KCNH7: variants seen among roughly 807,000 people sequenced by gnomAD.
KCNH7 encodes the protein voltage-gated inwardly rectifying potassium channel KCNH7.
KCNH7 carries 49 observed loss-of-function variants against 120.8 expected under a neutral mutation model. The ratio of observed to expected loss-of-function variants is 0.41; its 90% confidence interval spans 0.32 to 0.51. The LOEUF (loss-of-function observed/expected upper bound fraction) is 0.51. KCNH7 is among the 20% of genes least tolerant of loss of function. The probability of loss-of-function intolerance (pLI) is 0.38; values close to 1 mark genes in which losing one functional copy is unlikely to be tolerated. For missense variants in KCNH7, 1,097 were observed against 1,446.6 expected (o/e 0.76, Z 3.92); for synonymous variants, 547 against 516.1 (o/e 1.06, Z -0.81).
chr2:162,571,283 C>T (rs567006337), intron 2 of KCNH7, among the ~76,000 whole-genome samples: 1 of 152,236 alleles, frequency 6.6e-6, no homozygotes, highest in East Asian at 1.9e-4. Flanking sequence ...CATGAGTGGA[C>T]TCCCATTCAC....
At chr2:162,479,658 TGTGTGTGTGTGTGC>T (rs2105675881) in intron 6 of KCNH7, among the ~76,000 whole-genome samples, 1 of 116,716 alleles carries the variant, frequency 8.6e-6, no homozygotes, top group African/African-American at 4.4e-5. Flanking sequence ...ATTAGGAAAT[TGTGTGTGTGTGTGC>T]ATGTGTGTGT....
chr2:162,484,605 A>C (rs1041788516), intron 6 of KCNH7, among the ~76,000 whole-genome samples: 3 of 152,182 alleles, frequency 2.0e-5, no homozygotes, highest in African/African-American at 7.2e-5. Context: ...ATTACACTGT[A>C]CTACAGTTTG....
At chr2:162,439,345 G>T (rs1356458709) in intron 7 of KCNH7, among the ~76,000 whole-genome samples, 1 of 151,988 alleles carries the variant, frequency 6.6e-6, no homozygotes, top group Non-Finnish European at 1.5e-5. Context: ...TGTGGTTATT[G>T]TTATAAAATA....
chr2:162,514,191 C>A (rs79807632), intron 4 of KCNH7, among the ~76,000 whole-genome samples: 10 of 151,788 alleles, frequency 6.6e-5, no homozygotes, highest in South Asian at 2.1e-4. Context: ...TTGAATTGCT[C>A]GTAGACATTG....
At chr2:162,828,808 G>A (rs1201995413) in intron 2 of KCNH7, among the ~76,000 whole-genome samples, 1 of 152,070 alleles carries the variant, frequency 6.6e-6, no homozygotes, top group African/African-American at 2.4e-5. Flanking sequence ...TGTACCCACA[G>A]TCCTCTCTCA....
chr2:162,483,366 G>A (rs1689990395), intron 6 of KCNH7, among the ~76,000 whole-genome samples: 1 of 152,004 alleles, frequency 6.6e-6, no homozygotes, highest in East Asian at 1.9e-4. Context: ...TCCATCCACG[G>A]GACATGTATT....
chr2:162,634,698 T>C lies in KCNH7; in HGVS notation c.308-97618A>G, dbSNP rs886176981. Among the ~76,000 whole-genome samples the C allele has an allele frequency of 5.3e-5, 8 of 151,968 alleles. No individual in the cohort carries two copies. The East Asian group carries it at 1.4e-3, about 26-fold the overall frequency. ...GTCTGTGTGCTTAGTATTCTTCCAT[T>C]ATGCTTGGCTATAGACAGAGTCAAA... is the stretch of plus-strand genomic sequence containing the variant. On this transcript the variant is annotated intron_variant, in intron 2 of 15. Transcript: ENST00000332142.
intron 2 of KCNH7, among the ~76,000 whole-genome samples, chr2:162,715,247 G>GAATAGGCATTTCACATGGC (rs1687071433): frequency 6.6e-6 from 1 of 152,144 alleles, no homozygotes; most frequent in Admixed American, 6.5e-5. Flanking sequence ...AGTGAAGTGG[G>GAATAGGCATTTCACATGGC]AATAGGCATT....
At chr2:162,647,957 T>C (rs1030961153) in intron 2 of KCNH7, among the ~76,000 whole-genome samples, 6 of 152,158 alleles carry the variant, frequency 3.9e-5, no homozygotes, top group Admixed American at 1.3e-4. Context: ...TAAAGATAAG[T>C]AAATCATAGG....
intron 2 of KCNH7, among the ~76,000 whole-genome samples, chr2:162,585,603 C>T (rs1479583458): frequency 6.6e-6 from 1 of 150,972 alleles, no homozygotes; most frequent in Non-Finnish European, 1.5e-5. Flanking sequence ...TAAAGCATTT[C>T]TAAAATATCT....
At chr2:162,656,635 G>A (rs1684773502) in intron 2 of KCNH7, among the ~76,000 whole-genome samples, 1 of 152,108 alleles carries the variant, frequency 6.6e-6, no homozygotes, top group Admixed American at 6.6e-5. Context: ...ATGTTATTAG[G>A]ACACTACATT....
intron 3 of KCNH7, among the ~76,000 whole-genome samples, chr2:162,530,472 GCACACA>G (rs111443301): frequency 1.1e-4 from 16 of 149,758 alleles, no homozygotes; most frequent in African/African-American, 3.6e-4. Context: ...GAGCGTGCGC[GCACACA>G]CACACACACA....
rs148074249 is a variant in KCNH7, at chr2:162,423,264, C to T, written c.2154+72G>A. The T allele has an allele frequency of 1.0e-4, 165 of 1,608,742 alleles. No individual in the cohort carries two copies. The African/African-American group carries it at 1.9e-3, about 18-fold the overall frequency. ...GCAAGGGGTTCAAAGCTGGTGATTC[C>T]GGCTTTTATTCCATTTTGGCTATCA... is the stretch of plus-strand genomic sequence containing the variant. On this transcript the variant is annotated intron_variant, in intron 9 of 15. Coordinates refer to ENST00000332142, the MANE Select transcript of KCNH7 (RefSeq NM_033272.4).
intron 2 of KCNH7, among the ~76,000 whole-genome samples, chr2:162,751,575 A>T (rs1274667248): frequency 6.6e-6 from 1 of 151,552 alleles, no homozygotes; most frequent in Non-Finnish European, 1.5e-5. Flanking sequence ...TTTTTTACAA[A>T]TTGCTTTCTC....
At chr2:162,459,965 A>T (rs1689091587) in intron 6 of KCNH7, among the ~76,000 whole-genome samples, 1 of 151,884 alleles carries the variant, frequency 6.6e-6, no homozygotes, top group Non-Finnish European at 1.5e-5. Flanking sequence ...GTGGTGGCGC[A>T]TGCCTGTAGT....
chr2:162,700,990 C>T (rs1686475062), intron 2 of KCNH7, among the ~76,000 whole-genome samples: 1 of 152,166 alleles, frequency 6.6e-6, no homozygotes, highest in South Asian at 2.1e-4. Context: ...TGCCAGGGCA[C>T]TGGTTTCATA....
rs954312223 is a variant in KCNH7 at position 162,838,729 on chromosome 2, C to T, written c.-211G>A. On this transcript the variant is annotated 5_prime_UTR_variant, in exon 1 of 16. Transcript: ENST00000332142. ...CATTCCCCTCACCTTCCGGAGGGGG[C>T]CTCGCACCGGACTGCCGCGGGTGAG... The T allele has an allele frequency of 5.1e-6, 2 of 392,168 alleles. No individual in the cohort carries two copies. Among genetic ancestry groups the T allele is most frequent in the Admixed American group, 4.4e-5 (1 of 22,504 alleles). 24.3% of individuals were successfully genotyped at this position (392,168 alleles called of 1,614,324 possible).
chr2:162,530,688 G>A (rs1397641657), intron 3 of KCNH7, among the ~76,000 whole-genome samples: 1 of 151,948 alleles, frequency 6.6e-6, no homozygotes, highest in African/African-American at 2.4e-5. Context: ...GTTAAGATGT[G>A]TCTGCTAAAA....
chr2:162,713,108 AG>A (rs1412927727), intron 2 of KCNH7, among the ~76,000 whole-genome samples: 1 of 152,168 alleles, frequency 6.6e-6, no homozygotes, highest in African/African-American at 2.4e-5. Context: ...CATTTTTAGT[AG>A]AGACGGGGCT....
Sources: allele counts gnomAD v4.1 joint callset (sites outside exome capture counted in the v4.1 genomes callset), GRCh38; gene constraint gnomAD v4.1.1; transcripts MANE v1.5; gene names NCBI Gene and HGNC (gene_info 2026-07-23, HGNC 2026-07-21).